Variants in GINS1 observed in about 807,000 individuals in gnomAD.
GINS1 encodes DNA replication complex GINS protein PSF1.
In GINS1, 26 loss-of-function variants were observed where a neutral mutation model predicts 34.9. The ratio of observed to expected loss-of-function variants is 0.74; its 90% CI spans 0.55 to 1.03. The LOEUF (loss-of-function observed/expected upper bound fraction) is 1.03. GINS1 is among the 50% of genes least tolerant of loss of function. The probability of loss-of-function intolerance (pLI) is 0.00; values close to 1 mark genes in which losing one functional copy is unlikely to be tolerated. For missense variants in GINS1, 235 were observed against 237.9 expected (o/e 0.99, Z 0.08); for synonymous variants, 97 against 84.4 (o/e 1.15, Z -0.82).
At chr20:25,429,050 G>A (rs1378275752) in intron 5 of GINS1, among the ~76,000 whole-genome samples, 1 of 133,462 alleles carries the variant, frequency 7.5e-6, no homozygotes, top group Non-Finnish European at 1.6e-5. Context: ...GTACAGTGGT[G>A]CACTCTTGGC....
chr20:25,434,498 G>A (rs1220529490), intron 5 of GINS1, among the ~76,000 whole-genome samples: 1 of 151,772 alleles, frequency 6.6e-6, no homozygotes, highest in African/African-American at 2.4e-5. Context: ...TCCAGGCTGG[G>A]GTGTGGTGGT....
chr20:25,429,574 C>T (rs958664255), intron 5 of GINS1, among the ~76,000 whole-genome samples: 6 of 151,922 alleles, frequency 3.9e-5, no homozygotes, highest in South Asian at 4.1e-4. Flanking sequence ...TTATTCTTTT[C>T]GCACTGATAA....
chr20:25,430,257 C>T (rs1030131542), intron 5 of GINS1, among the ~76,000 whole-genome samples: 2 of 152,120 alleles, frequency 1.3e-5, no homozygotes, highest in East Asian at 1.9e-4. Context: ...TGTAGAGTTT[C>T]CATATATGGC....
intron 6 of GINS1, among the ~76,000 whole-genome samples, 196 bp downstream of exon 6, chr20:25,441,972 A>G (rs996106194): frequency 6.6e-6 from 1 of 152,192 alleles, no homozygotes; most frequent in Non-Finnish European, 1.5e-5. Context: ...TAAAAGATTC[A>G]TTAATTTAGT....
chr20:25,408,896 T>A (rs2146180829), intron 1 of GINS1: 5 of 982,596 alleles, frequency 5.1e-6, no homozygotes, highest in Non-Finnish European at 6.0e-6. Flanking sequence ...TATGTGGATG[T>A]CAGGACACAT....
At chr20:25,426,116 T>C (rs2090389085) in intron 5 of GINS1, among the ~76,000 whole-genome samples, 1 of 151,346 alleles carries the variant, frequency 6.6e-6, no homozygotes, top group African/African-American at 2.4e-5. Context: ...TGGAATCATA[T>C]AGTATTTGTC....
At chr20:25,440,516 G>A (rs2090476238) in intron 5 of GINS1, among the ~76,000 whole-genome samples, 1 of 152,000 alleles carries the variant, frequency 6.6e-6, no homozygotes, top group South Asian at 2.1e-4. Flanking sequence ...AGTTTATTTA[G>A]AGAAGCAAAT....
intron 1 of GINS1, among the ~76,000 whole-genome samples, chr20:25,409,495 G>A (rs1397095631): frequency 6.6e-6 from 1 of 152,102 alleles, no homozygotes; most frequent in Non-Finnish European, 1.5e-5. Flanking sequence ...TAAGAGGGAG[G>A]AATTGGGATC....
chr20:25,407,720 T>C lies in GINS1; in HGVS notation c.-101T>C, dbSNP rs181533614. 2.9e-4 allele frequency: 261 copies of C among 906,234 alleles called. 2 individuals are homozygous for C. Among genetic ancestry groups the C allele is most frequent in the Non-Finnish European group, 2.4e-4 (136 of 558,804 alleles). 56.1% of individuals were successfully genotyped at this position (906,234 alleles called of 1,614,324 possible). A position where few individuals can be genotyped will look rare whatever the true frequency, so the allele number is the denominator to read the frequency against. On this transcript the variant is annotated 5_prime_UTR_variant, in exon 1 of 7. Transcript: ENST00000262460. Reference sequence around the variant, plus strand: ...GGAGGCCGAGGCGAGAGCCTGGCGCTGTAGGACTAGAACGAAAGGAGTGAG... The same window carrying C: ...GGAGGCCGAGGCGAGAGCCTGGCGCCGTAGGACTAGAACGAAAGGAGTGAG...
chr20:25,419,427 T>A (rs1003332161), intron 4 of GINS1, among the ~76,000 whole-genome samples: 3 of 152,198 alleles, frequency 2.0e-5, no homozygotes, highest in Non-Finnish European at 4.4e-5. Context: ...CATAGCTTCA[T>A]TTTCATTCTG....
chr20:25,443,610 CTGGGAT>C (rs1442280129), intron 6 of GINS1, among the ~76,000 whole-genome samples: 1 of 151,464 alleles, frequency 6.6e-6, no homozygotes, highest in Non-Finnish European at 1.5e-5. Flanking sequence ...TCTCAAATAG[CTGGGAT>C]TACAGGCGCC....
chr20:25,418,072 C>G, intron 3 of GINS1, 33 bp from the exon 4 acceptor site: 1 of 1,203,168 alleles, frequency 8.3e-7, no homozygotes, highest in Non-Finnish European at 1.2e-6. Flanking sequence ...CCCGTTTATT[C>G]TTATGCCACC....
rs112384298 is a variant in GINS1 at position 25,420,851 on chromosome 20, A to C, written c.330+2656A>C. On this transcript the variant is annotated intron_variant, in intron 4 of 6. Transcript: ENST00000262460. ...ACATGGTCTCGTTCTCTTAGTAGTGATGTTTTGGAAACACTGAAGGATGAG... is the reference window on the plus strand; with the variant it reads ...ACATGGTCTCGTTCTCTTAGTAGTGCTGTTTTGGAAACACTGAAGGATGAG... 4,424 of 976,144 alleles carry C rather than the reference A, an allele frequency of 4.5e-3. 153 individuals are homozygous for C. In the African/African-American group the frequency reaches 0.071, roughly 16 times the overall value. The allele number at this position is 976,144 out of a possible 1,614,324, so 60.5% of individuals were successfully genotyped here.
intron 5 of GINS1, among the ~76,000 whole-genome samples, chr20:25,435,706 A>C (rs940219997): frequency 2.9e-5 from 4 of 137,808 alleles, no homozygotes; most frequent in African/African-American, 1.1e-4. Flanking sequence ...CAGAGGTTGC[A>C]GTGAGCCGAG....
rs1231819764 is a variant in GINS1 at position 25,417,191 on chromosome 20, T to G, written c.228T>G (p.Thr76=). 1 of 1,540,428 alleles carries G rather than the reference T, an allele frequency of 6.5e-7. No individual in the cohort carries two copies. Among genetic ancestry groups the G allele is most frequent in the South Asian group, 1.1e-5 (1 of 88,620 alleles). Residue 76 remains threonine (T), a synonymous_variant, in exon 3 of 7, where the codon ACT becomes ACG. Transcript: ENST00000262460. ...HCSLLRNRRC[T]VAYLYDRLLR... is the part of the protein sequence containing the mutation. The stretch of plus-strand genomic sequence containing the variant: ...CTCTGTTAAGAAATCGACGCTGCAC[T>G]GTAGCATACCTGTAAGCTTCTCAGT...
chr20:25,444,305 G>A (rs912566917), intron 6 of GINS1, among the ~76,000 whole-genome samples: 2 of 152,064 alleles, frequency 1.3e-5, no homozygotes, highest in African/African-American at 2.4e-5. Flanking sequence ...GAGCCACTGC[G>A]CCTGGCTGGG....
At chr20:25,423,612 CTTT>C (rs35923439) in intron 4 of GINS1, among the ~76,000 whole-genome samples, 7 of 85,518 alleles carry the variant, frequency 8.2e-5, no homozygotes, top group African/African-American at 2.6e-4. Flanking sequence ...TTTCTTCTCT[CTTT>C]TTTTTTTTTT....
At chr20:25,411,300 C>A (rs1011024104) in intron 1 of GINS1, 8 of 152,096 alleles carry the variant, frequency 5.3e-5, no homozygotes, top group African/African-American at 1.9e-4. Context: ...AGAAAATTAC[C>A]TTGGGCTCAG....
chr20:25,436,198 C>T (rs982658244), intron 5 of GINS1, among the ~76,000 whole-genome samples: 1 of 151,958 alleles, frequency 6.6e-6, no homozygotes. Flanking sequence ...AGTGATGCTC[C>T]CACCTTGGCC....
Sources: gnomAD v4.1 joint callset for allele counts (sites outside exome capture counted in the v4.1 genomes callset) on GRCh38, gnomAD v4.1.1 for gene constraint, MANE v1.5 for transcripts, NCBI Gene and HGNC (gene_info 2026-07-23, HGNC 2026-07-21) for gene names.